The following MAPDA variants were observed in gnomAD, a reference collection of about 807,000 sequenced individuals.
MAPDA encodes N6-Methyl-AMP deaminase, also known as N6,N6-dimethyl-AMP deaminase.
the MAPDA span, chr15:43,351,827 AG>A: frequency 6.4e-7 from 1 of 1,551,686 alleles, no homozygotes; most frequent in Non-Finnish European, 8.7e-7. Flanking sequence ...AATTTGACCC[AG>A]TCTCAGGTGT....
chr15:43,331,113 A>G, the MAPDA span, among the ~76,000 whole-genome samples: 1 of 152,244 alleles, frequency 6.6e-6, no homozygotes, highest in African/African-American at 2.4e-5. Flanking sequence ...ATAGACACCT[A>G]ACAAGAAGAC....
At chr15:43,345,782 C>G in the MAPDA span, 1 of 1,573,760 alleles carries the variant, frequency 6.4e-7, no homozygotes, top group Admixed American at 1.7e-5. Context: ...CCATCTCTGT[C>G]TGGCTGTACT....
the MAPDA span, chr15:43,333,169 C>T: frequency 1.3e-5 from 2 of 152,180 alleles, no homozygotes; most frequent in African/African-American, 4.8e-5. Context: ...CTCCTGTAAT[C>T]CCAGCTCAGG....
chr15:43,340,143 A>G, the MAPDA span: 2 of 848,658 alleles, frequency 2.4e-6, no homozygotes, highest in Non-Finnish European at 3.6e-6. Context: ...ACCACGTGAG[A>G]AACTTCCAAC....
chr15:43,350,097 G>A, the MAPDA span, among the ~76,000 whole-genome samples: 1 of 152,174 alleles, frequency 6.6e-6, no homozygotes, highest in South Asian at 2.1e-4. Context: ...GGGGGACGGA[G>A]TCGCTCTGTC....
the MAPDA span, chr15:43,350,972 G>T: frequency 2.6e-6 from 4 of 1,551,632 alleles, no homozygotes; most frequent in Non-Finnish European, 3.5e-6. Flanking sequence ...TCAAAAGTCA[G>T]ACAGTTCCAT....
At chr15:43,345,303 C>T in the MAPDA span, among the ~76,000 whole-genome samples, 11 of 147,408 alleles carry the variant, frequency 7.5e-5, no homozygotes. Flanking sequence ...GTAGTGAGCC[C>T]GAGATTGCAC....
the MAPDA span, among the ~76,000 whole-genome samples, chr15:43,339,886 T>C: frequency 6.6e-6 from 1 of 152,236 alleles, no homozygotes; most frequent in Admixed American, 6.5e-5. Context: ...TTTCTGTATG[T>C]GCATTTCCTA....
At chr15:43,354,057 A>G in the MAPDA span, 3 of 152,172 alleles carry the variant, frequency 2.0e-5, no homozygotes, top group African/African-American at 7.2e-5. Flanking sequence ...CTGGGCCCTC[A>G]ATCTGTGGGA....
At chr15:43,346,117 C>T in the MAPDA span, 1 of 1,167,754 alleles carries the variant, frequency 8.6e-7, no homozygotes. Context: ...GCCTGTTCTG[C>T]CCTGGATGAC....
the MAPDA span, chr15:43,352,484 A>G: frequency 6.6e-6 from 1 of 152,204 alleles, no homozygotes; most frequent in Non-Finnish European, 1.5e-5. Context: ...GCTTGATCCT[A>G]GGAGTTCAGT....
chr15:43,347,039 G>A, the MAPDA span: 1 of 1,613,646 alleles, frequency 6.2e-7, no homozygotes, highest in Non-Finnish European at 8.5e-7. Context: ...AAGACTTCTT[G>A]GAACCTCTTT....
At chr15:43,332,169 T>C in the MAPDA span, 7 of 152,312 alleles carry the variant, frequency 4.6e-5, no homozygotes, top group East Asian at 9.6e-4. Flanking sequence ...AATTTGCACC[T>C]GATGGCTTCT....
chr15:43,342,184 C>G, the MAPDA span, among the ~76,000 whole-genome samples: 4 of 151,884 alleles, frequency 2.6e-5, no homozygotes, highest in East Asian at 7.7e-4. Context: ...AGACTTTCCA[C>G]CAAACATAAG....
the MAPDA span, chr15:43,351,683 C>T: frequency 2.1e-6 from 3 of 1,433,424 alleles, no homozygotes; most frequent in South Asian, 2.9e-5. Flanking sequence ...AGACTCTAAA[C>T]AAAAAGATGG....
At chr15:43,336,235 G>C in the MAPDA span, among the ~76,000 whole-genome samples, 1 of 151,910 alleles carries the variant, frequency 6.6e-6, no homozygotes, top group South Asian at 2.1e-4. Flanking sequence ...TTAGAGATGG[G>C]GGTCTCCCTA....
At chr15:43,346,087 A>C in the MAPDA span, 3 of 1,450,740 alleles carry the variant, frequency 2.1e-6, no homozygotes, top group African/African-American at 1.4e-5. Context: ...TCCAACAGAC[A>C]CTCCATTCTG....
At chr15:43,331,971 GGAACA>G in the MAPDA span, 1 of 152,190 alleles carries the variant, frequency 6.6e-6, no homozygotes, top group Admixed American at 6.5e-5. Flanking sequence ...AGAGGTTGAA[GGAACA>G]GAAAAATGAG....
the MAPDA span, chr15:43,347,015 G>A: frequency 9.3e-6 from 15 of 1,612,954 alleles, no homozygotes; most frequent in Non-Finnish European, 1.2e-5. Context: ...TTATCTTTAA[G>A]GTAGGACAAG....
Sources: allele counts gnomAD v4.1 joint callset (sites outside exome capture counted in the v4.1 genomes callset), GRCh38; gene constraint gnomAD v4.1.1; transcripts MANE v1.5; gene names NCBI Gene and HGNC (gene_info 2026-07-23, HGNC 2026-07-21).